The following TRPM4 variants were observed in gnomAD, a reference collection of about 807,000 sequenced individuals.
TRPM4 encodes transient receptor potential cation channel subfamily M member 4, also known as calcium-activated non-selective cation channel 1.
In TRPM4, 124 loss-of-function variants were observed where a neutral mutation model predicts 135.6. The ratio of observed to expected loss-of-function variants is 0.91; its 90% CI spans 0.79 to 1.06. The LOEUF (loss-of-function observed/expected upper bound fraction) is 1.06, where lower values mean the gene tolerates loss of function less well. TRPM4 is among the 50% of genes least tolerant of loss of function. The pLI, the probability that TRPM4 is intolerant of heterozygous loss-of-function variation, is 0.00. For missense variants in TRPM4, 1,658 were observed against 1,671.4 expected (o/e 0.99, Z 0.14); for synonymous variants, 745 against 705.6 (o/e 1.06, Z -0.88).
At chr19:49,197,880 G>A (rs1272094327) in intron 17 of TRPM4, among the ~76,000 whole-genome samples, 1 of 151,742 alleles carries the variant, frequency 6.6e-6, no homozygotes, top group African/African-American at 2.4e-5. Flanking sequence ...GTAGAGATGG[G>A]GCTTTGCCAT....
intron 10 of TRPM4, 111 bp from the exon 11 acceptor site, chr19:49,182,464 CCAT>C (rs758289327): frequency 4.9e-5 from 20 of 405,124 alleles, no homozygotes; most frequent in African/African-American, 6.4e-5. Context: ...ATCCATCCAT[CCAT>C]CCATCCATCC....
In TRPM4 at chr19:49,210,301, T is replaced by C. The variant is rs144421653; in HGVS notation, c.3224T>C (p.Leu1075Pro). Reference protein sequence around the residue: ...LIREFHSRPALAPPFIVISHL... With the variant: ...LIREFHSRPAPAPPFIVISHL... ...CGGGAATTCCACTCTCGGCCCGCGCTGGCCCCGCCCTTTATCGTCATCTCC... is the reference window on the plus strand; with the variant it reads ...CGGGAATTCCACTCTCGGCCCGCGCCGGCCCCGCCCTTTATCGTCATCTCC... Residue 1075 changes from leucine to proline, a missense_variant, in exon 21 of 25, where the codon CTG (leucine) becomes CCG (proline). By Grantham distance (98) the Leu-to-Pro change is moderately conservative. Transcript: ENST00000252826. This position sits in a 1 kb window ranked among gnomAD's most constrained non-coding sequence, Gnocchi z 4.1. The C allele has an allele frequency of 1.4e-4, 228 of 1,614,104 alleles. No homozygotes were observed. Among genetic ancestry groups the C allele is most frequent in the Non-Finnish European group, 1.8e-4 (214 of 1,180,058 alleles).
At chr19:49,181,603 C>G (rs1284700558) in intron 10 of TRPM4, 142 bp downstream of exon 10, 1 of 637,774 alleles carries the variant, frequency 1.6e-6, no homozygotes, top group East Asian at 2.8e-5. Context: ...GTGATCCCAG[C>G]TCACTGCAAG....
chr19:49,164,364 G>GTTTTTTTTTTTTTTTTTT (rs869232937), intron 2 of TRPM4, among the ~76,000 whole-genome samples: 1 of 16,266 alleles, frequency 6.1e-5, no homozygotes, highest in Non-Finnish European at 1.0e-4. Flanking sequence ...TCTTTCCTTA[G>GTTTTTTTTTTTTTTTTTT]TTTTTTTTTT....
At chr19:49,207,334 C>T (rs78445683) in intron 20 of TRPM4, among the ~76,000 whole-genome samples, 8,468 of 151,884 alleles carry the variant, frequency 0.056, 702 homozygotes, top group African/African-American at 0.17. Flanking sequence ...TCCTAGTTTA[C>T]GATTTTTAAA....
At chr19:49,182,943 G>GA (rs997074443) in intron 11 of TRPM4, 21 bp downstream of exon 11, 20 of 1,583,546 alleles carry the variant, frequency 1.3e-5, no homozygotes, top group Admixed American at 1.7e-5. Context: ...GGCAAAGCTG[G>GA]GGGGCCCCCC....
In TRPM4 at chr19:49,210,572, G is replaced by A; in HGVS notation, c.3329-138G>A. The A allele has an allele frequency of 1.4e-6, 2 of 1,461,984 alleles. No homozygotes were observed. The highest frequency in any genetic ancestry group is 1.9e-6 in the Non-Finnish European group (2 of 1,058,076). The allele number at this position is 1,461,984 out of a possible 1,614,324, so 90.6% of individuals were successfully genotyped here. ...TTAAGCACTGAGGGGCAGTGCTTAC[G>A]GGTGAGGGGCGGGGCATGTTCTCGA... is the stretch of plus-strand genomic sequence containing the variant. On this transcript the variant is annotated intron_variant, in intron 21 of 24. Transcript: ENST00000252826. The surrounding 1 kb of genome is among the most constrained non-coding windows in gnomAD (Gnocchi z 4.1).
intron 9 of TRPM4, among the ~76,000 whole-genome samples, chr19:49,176,579 G>A (rs1395999857): frequency 6.6e-6 from 1 of 152,140 alleles, no homozygotes; most frequent in South Asian, 2.1e-4. Flanking sequence ...CTTGGGCCGG[G>A]TACAGTGGCT....
chr19:49,167,465 CGCCATCTCTCTGGGTCTCTGT>C (rs1967252577), intron 3 of TRPM4, among the ~76,000 whole-genome samples: 1 of 85,456 alleles, frequency 1.2e-5, no homozygotes, highest in African/African-American at 4.9e-5. Flanking sequence ...GGGTCTCTGT[CGCCATCTCTCTGGGTCTCTGT>C]CCCTCTCTCT....
Position 49,182,625 on chromosome 19 carries a change from G to C in TRPM4, c.1311G>C (p.Arg437=). ...TCATGGACGCCCTGCTGAATGACCG[G>C]CCTGAGTTCGTGCGCTTGCTCATTT... ...ASLMDALLND[R]PEFVRLLISH... The change falls in exon 11 of 25, where the codon CGG becomes CGC. Residue 437 remains arginine, a synonymous_variant. Transcript: ENST00000252826. 6.2e-7 allele frequency: 1 copy of C among 1,614,100 alleles called. No individual in the cohort carries two copies. The highest frequency in any genetic ancestry group is 2.2e-5 in the East Asian group (1 of 44,890).
chr19:49,192,008 A>G (rs1343740433), intron 16 of TRPM4, among the ~76,000 whole-genome samples: 2 of 152,212 alleles, frequency 1.3e-5, no homozygotes, highest in Non-Finnish European at 2.9e-5. Context: ...AAGCGGAATC[A>G]GTTGATTGAG....
chr19:49,205,745 A>G (rs2145983667), intron 20 of TRPM4, among the ~76,000 whole-genome samples: 1 of 151,994 alleles, frequency 6.6e-6, no homozygotes, highest in Middle Eastern at 3.4e-3. Flanking sequence ...CATGTTGCCC[A>G]GGCCGATCTC....
chr19:49,190,084 T>A (rs1968352588), intron 14 of TRPM4, 124 bp from the exon 15 acceptor site: 2 of 826,846 alleles, frequency 2.4e-6, no homozygotes, highest in Non-Finnish European at 4.2e-6. Flanking sequence ...CCTACCTCAA[T>A]AGTTGTGGCT....
intron 20 of TRPM4, among the ~76,000 whole-genome samples, chr19:49,209,109 T>A (rs1303837041): frequency 2.0e-5 from 3 of 152,206 alleles, no homozygotes; most frequent in African/African-American, 7.2e-5. Flanking sequence ...CTTACTTTCC[T>A]AGGATAAATC....
intron 12 of TRPM4, 46 bp downstream of exon 12, chr19:49,183,258 T>C: frequency 6.2e-7 from 1 of 1,612,472 alleles, no homozygotes; most frequent in Non-Finnish European, 8.5e-7. Context: ...TTTAGGCCAC[T>C]GGATGCCAGT....
At position 49,196,639 on chromosome 19, in the gene TRPM4, G is replaced by C; in HGVS notation, c.2410G>C (p.Asp804His). ...LLLFSRVLLVDFQPAPPGSLE... is the reference protein window; with the variant it reads ...LLLFSRVLLVHFQPAPPGSLE... Reference sequence around the variant, plus strand: ...GCTTTTCTCGCGGGTGCTGCTCGTGGATTTCCAGCCGGCGCCGCCCGGCTC... The same window carrying C: ...GCTTTTCTCGCGGGTGCTGCTCGTGCATTTCCAGCCGGCGCCGCCCGGCTC... Residue 804 changes from aspartate to histidine, a missense_variant, in exon 17 of 25, where the codon GAT (aspartate) becomes CAT (histidine). By Grantham distance (81) the Asp-to-His change is moderately conservative (BLOSUM62 -1). Around this residue, in one of 3 missense-constraint regions of TRPM4, gnomAD observed 1,412 missense variants for 1,408.7 expected, o/e 1.00. Transcript: ENST00000252826. The C allele has an allele frequency of 6.5e-7, 1 of 1,550,002 alleles. No homozygotes were observed. The highest frequency in any genetic ancestry group is 8.7e-7 in the Non-Finnish European group (1 of 1,150,748).
intron 17 of TRPM4, among the ~76,000 whole-genome samples, chr19:49,198,837 A>T (rs1374998611): frequency 6.6e-6 from 1 of 151,834 alleles, no homozygotes; most frequent in East Asian, 1.9e-4. Context: ...GGGCTCAAGC[A>T]ATCCTCCCAC....
At chr19:49,175,098 G>C (rs1382932226) in intron 9 of TRPM4, among the ~76,000 whole-genome samples, 1 of 102,036 alleles carries the variant, frequency 9.8e-6, no homozygotes, top group Non-Finnish European at 1.8e-5. Context: ...TTTTTGAGAC[G>C]GAGTTTCGCT....
chr19:49,168,586 G>C lies in TRPM4; in HGVS notation c.646G>C (p.Asp216His). The change falls in exon 6 of 25, where the codon GAC becomes CAC. Residue 216 changes from aspartate (D) to histidine (H), a missense_variant. Physicochemically the swap from Asp to His is moderately conservative, Grantham distance 81. Around this residue, in one of 3 missense-constraint regions of TRPM4, gnomAD observed 1,412 missense variants for 1,408.7 expected, o/e 1.00. Transcript: ENST00000252826. Reference sequence around the variant, plus strand: ...CCCTGCGAGGTACCGGTGGCGCGGTGACCCGGAGGACGGGGTCCAGTTTCC... The same window carrying C: ...CCCTGCGAGGTACCGGTGGCGCGGTCACCCGGAGGACGGGGTCCAGTTTCC... The part of the protein sequence containing the change: ...SFPARYRWRG[D>H]PEDGVQFPLD... 1 of 1,613,780 alleles carries C rather than the reference G, an allele frequency of 6.2e-7. No homozygotes were observed. The highest frequency in any genetic ancestry group is 2.2e-5 in the East Asian group (1 of 44,874).
Sources: allele counts gnomAD v4.1 joint callset (sites outside exome capture counted in the v4.1 genomes callset), GRCh38; gene constraint gnomAD v4.1.1; regional missense constraint gnomAD v4.1.1; non-coding constraint Gnocchi (gnomAD v3.1); transcripts MANE v1.5; gene names NCBI Gene and HGNC (gene_info 2026-07-23, HGNC 2026-07-21).